The following SPTBN4 variants were observed in gnomAD, a reference collection of about 807,000 sequenced individuals.
SPTBN4 encodes the protein spectrin beta chain, non-erythrocytic 4.
In SPTBN4, 96 loss-of-function variants were observed where a neutral mutation model predicts 277.8. The observed-to-expected ratio is 0.35, with a 90% CI of 0.29 to 0.41. SPTBN4 has a LOEUF of 0.41. Among genes scored for constraint, SPTBN4 ranks in the 10% least tolerant of loss-of-function variants. The pLI is 1.00. For missense variants in SPTBN4, 3,006 were observed against 3,595.7 expected (o/e 0.84, Z 4.19); for synonymous variants, 1,481 against 1,580.3 (o/e 0.94, Z 1.49).
intron 3 of SPTBN4, among the ~76,000 whole-genome samples, chr19:40,488,275 G>C (rs533743587): frequency 3.5e-4 from 53 of 152,104 alleles, no homozygotes; most frequent in African/African-American, 1.1e-3. Flanking sequence ...AAGGTGCGGG[G>C]CTCTAGGCTA....
At chr19:40,564,692 T>C (rs1245958702) in intron 27 of SPTBN4, among the ~76,000 whole-genome samples, 1 of 151,366 alleles carries the variant, frequency 6.6e-6, no homozygotes, top group Non-Finnish European at 1.5e-5. Flanking sequence ...GAAAAATTAG[T>C]TGGGTGTGAT....
At chr19:40,517,207 G>A (rs1478865040) in intron 15 of SPTBN4, among the ~76,000 whole-genome samples, 2 of 152,108 alleles carry the variant, frequency 1.3e-5, no homozygotes, top group African/African-American at 4.8e-5. Context: ...AGGCGAAGAT[G>A]GAGGCCCAAG....
Position 40,490,264 on chromosome 19 carries a change from C to T in SPTBN4, c.495+16C>T, listed in dbSNP as rs1452134664. 1 of 1,608,692 alleles carries T rather than the reference C, an allele frequency of 6.2e-7. No homozygotes were observed. The highest frequency in any genetic ancestry group is 8.5e-7 in the Non-Finnish European group (1 of 1,176,810). ...GCGCTTCCAGGTGACCCTCGAGTGGCCCCTGCCAAGCCCCGCAACATGGGA... is the reference window on the plus strand; with the variant it reads ...GCGCTTCCAGGTGACCCTCGAGTGGTCCCTGCCAAGCCCCGCAACATGGGA... On this transcript the variant is annotated intron_variant, in intron 4 of 35. Transcript: ENST00000598249. This position sits in a 1 kb window ranked among gnomAD's most constrained non-coding sequence, Gnocchi z 4.3.
chr19:40,572,247 G>C lies in SPTBN4; in HGVS notation c.7493+55G>C. 3 of 1,602,014 alleles carry C rather than the reference G, an allele frequency of 1.9e-6. No individual in the cohort carries two copies. The South Asian group carries it at 3.3e-5, about 18-fold the overall frequency. ...ATCCAAGGCTCAGCTTCAACTCCCA[G>C]TGGGACCCTGGCTTCCCTGGGGGAC... On this transcript the variant is annotated intron_variant, in intron 34 of 35. Coordinates refer to ENST00000598249, the MANE Select transcript of SPTBN4 (RefSeq NM_020971.3).
At chr19:40,555,489 C>CAAAA (rs56045928) in intron 24 of SPTBN4, among the ~76,000 whole-genome samples, 44 of 74,856 alleles carry the variant, frequency 5.9e-4, no homozygotes, top group African/African-American at 6.6e-4. Flanking sequence ...GACTCCGTCT[C>CAAAA]AAAAAAAAAA....
chr19:40,500,682 A>T (rs922051801), intron 7 of SPTBN4, among the ~76,000 whole-genome samples: 18 of 152,040 alleles, frequency 1.2e-4, no homozygotes, highest in African/African-American at 4.3e-4. Flanking sequence ...AAGTCTATTT[A>T]AAAAATTACA....
At chr19:40,526,165 TTC>T (rs2080588854) in intron 17 of SPTBN4, among the ~76,000 whole-genome samples, 1 of 133,528 alleles carries the variant, frequency 7.5e-6, no homozygotes, top group South Asian at 2.3e-4. Flanking sequence ...TGAGGTGCTG[TTC>T]TTTTTTTTTT....
chr19:40,504,169 A>G, intron 12 of SPTBN4, 37 bp downstream of exon 12: 1 of 1,428,718 alleles, frequency 7.0e-7, no homozygotes, highest in Non-Finnish European at 9.5e-7. Context: ...GTGGAGTGCC[A>G]GGAGGGAGGG....
At chr19:40,562,359 G>T (rs142953570) in intron 27 of SPTBN4, among the ~76,000 whole-genome samples, 1 of 151,714 alleles carries the variant, frequency 6.6e-6, no homozygotes, top group Non-Finnish European at 1.5e-5. Flanking sequence ...GCGAAACCCC[G>T]CCTCTACTAA....
At chr19:40,507,092 G>C (rs1246214328) in intron 13 of SPTBN4, among the ~76,000 whole-genome samples, 2 of 152,096 alleles carry the variant, frequency 1.3e-5, no homozygotes, top group Non-Finnish European at 1.5e-5. Flanking sequence ...GAGTGGATTG[G>C]CTAATGTAAC....
At chr19:40,521,888 GTCCCCCTGCTTTGGCC>G (rs1395351224) in intron 16 of SPTBN4, among the ~76,000 whole-genome samples, 1 of 151,764 alleles carries the variant, frequency 6.6e-6, no homozygotes, top group Non-Finnish European at 1.5e-5. Context: ...GGCTCAAACA[GTCCCCCTGCTTTGGCC>G]TCCCAAAGTG....
At position 40,560,014 on chromosome 19, in the gene SPTBN4, G is replaced by T. The variant is rs1315472561; in HGVS notation, c.5671-145G>T. 1 of 1,425,248 alleles carries T rather than the reference G, an allele frequency of 7.0e-7. No homozygotes were observed. Among genetic ancestry groups the T allele is most frequent in the East Asian group, 2.5e-5 (1 of 39,678 alleles). The allele number at this position is 1,425,248 out of a possible 1,614,324, so 88.3% of individuals were successfully genotyped here. ...TGCGGGTAAGTCAAAGAGAAATCAG[G>T]CAGCAGATATGACAGGAGCCTGGCT... On this transcript the variant is annotated intron_variant, in intron 26 of 35. Transcript: ENST00000598249. The surrounding 1 kb of genome is among the most constrained non-coding windows in gnomAD (Gnocchi z 5.2).
chr19:40,539,749 G>A (rs2080777608), intron 20 of SPTBN4, among the ~76,000 whole-genome samples: 1 of 151,836 alleles, frequency 6.6e-6, no homozygotes, highest in African/African-American at 2.4e-5. Context: ...CAAAGTGCTG[G>A]GATTACAGGC....
chr19:40,560,129 G>A lies in SPTBN4; in HGVS notation c.5671-30G>A, dbSNP rs561889920. Reference sequence around the variant, plus strand: ...AGGGCACAGCCTGGGCCCCGTGGAGGGCTGGCGCCCGACCTGGCATGCCCT... The same window carrying A: ...AGGGCACAGCCTGGGCCCCGTGGAGAGCTGGCGCCCGACCTGGCATGCCCT... On this transcript the variant is annotated intron_variant, in intron 26 of 35. Transcript: ENST00000598249. This position sits in a 1 kb window ranked among gnomAD's most constrained non-coding sequence, Gnocchi z 5.2. 2 of 1,561,956 alleles carry A rather than the reference G, an allele frequency of 1.3e-6. No individual in the cohort carries two copies. The highest frequency in any genetic ancestry group is 2.4e-5 in the South Asian group (2 of 84,824).
chr19:40,510,939 C>G (rs1374439645), intron 13 of SPTBN4, among the ~76,000 whole-genome samples: 1 of 152,112 alleles, frequency 6.6e-6, no homozygotes, highest in Non-Finnish European at 1.5e-5. Context: ...ATTACTTGAG[C>G]CCAGGAGTTG....
chr19:40,576,161 C>T lies in SPTBN4; in HGVS notation c.*592C>T, dbSNP rs905321609. The stretch of plus-strand genomic sequence containing the variant: ...CCTGACTTAGTTTATTTTTGCAAAA[C>T]GTCGATCTCCTCCTCCCCCGCCCCG... On this transcript the variant is annotated 3_prime_UTR_variant, in exon 36 of 36. Coordinates refer to ENST00000598249, the MANE Select transcript of SPTBN4 (RefSeq NM_020971.3). 8 of 152,576 alleles carry T rather than the reference C, an allele frequency of 5.2e-5. No homozygotes were observed. The highest frequency in any genetic ancestry group is 1.9e-4 in the African/African-American group (8 of 41,454). 9.5% of individuals were successfully genotyped at this position (152,576 alleles called of 1,614,324 possible). A position where few individuals can be genotyped will look rare whatever the true frequency, so the allele number is the denominator to read the frequency against.
rs748090513 is a variant in SPTBN4, at chr19:40,572,223, T to G, written c.7493+31T>G. The stretch of plus-strand genomic sequence containing the variant: ...CCCCCCAATGGGCAGGAGGGAGGGA[T>G]CCAAGGCTCAGCTTCAACTCCCAGT... On this transcript the variant is annotated intron_variant, in intron 34 of 35. Coordinates refer to ENST00000598249, the MANE Select transcript of SPTBN4 (RefSeq NM_020971.3). 1.1e-5 allele frequency: 18 copies of G among 1,596,250 alleles called. No homozygotes were observed. In the Admixed American group the frequency reaches 2.9e-4, roughly 25 times the overall value.
chr19:40,520,936 T>C (rs2080519684), intron 16 of SPTBN4, among the ~76,000 whole-genome samples: 1 of 152,092 alleles, frequency 6.6e-6, no homozygotes, highest in Non-Finnish European at 1.5e-5. Flanking sequence ...ATCTTTTTTT[T>C]TTTTCTTTAG....
At position 40,575,421 on chromosome 19, in the gene SPTBN4, A is replaced by G; in HGVS notation, c.7547A>G (p.Asn2516Ser). The G allele has an allele frequency of 6.2e-7, 1 of 1,613,274 alleles. No homozygotes were observed. The highest frequency in any genetic ancestry group is 2.2e-5 in the East Asian group (1 of 44,856). ...LLQAKDEEEM[N>S]GWLEAVASSV... ...TGTTTCTTCCCCCAGGAGGAGATGA[A>G]CGGCTGGCTGGAGGCTGTAGCTTCC... Residue 2516 changes from asparagine (N) to serine (S), a missense_variant, in exon 36 of 36, where the codon AAC becomes AGC. By Grantham distance (46) the Asn-to-Ser change is conservative. Coordinates refer to ENST00000598249, the MANE Select transcript of SPTBN4 (RefSeq NM_020971.3).
Sources: allele counts gnomAD v4.1 joint callset (sites outside exome capture counted in the v4.1 genomes callset), GRCh38; gene constraint gnomAD v4.1.1; non-coding constraint Gnocchi (gnomAD v3.1); transcripts MANE v1.5; gene names NCBI Gene and HGNC (gene_info 2026-07-23, HGNC 2026-07-21).